The following SPANXN4 variants were observed in gnomAD, a reference collection of about 807,000 sequenced individuals.
SPANXN4 encodes the protein SPANX family member N4.
SPANXN4 carries 5 observed loss-of-function variants against 6.0 expected under a neutral mutation model. That is an observed-to-expected ratio of 0.83 (90% CI 0.44 to 1.75). The LOEUF (loss-of-function observed/expected upper bound fraction) is 1.75. Ranked by LOEUF, SPANXN4 falls within the 40% of genes most tolerant of loss-of-function variation. SPANXN4 has a pLI of 0.02. For missense variants in SPANXN4, 157 were observed against 108.6 expected, an observed-to-expected ratio of 1.45 and a Z score of -1.98; for synonymous variants, 45 against 38.0, an observed-to-expected ratio of 1.19 and a Z score of -0.68.
intron 1 of SPANXN4, among the ~76,000 whole-genome samples, chrX:143,029,030 G>T (rs1932793876): frequency 9.0e-6 from 1 of 111,483 alleles, no homozygotes; most frequent in Non-Finnish European, 1.9e-5. Flanking sequence ...AATGGTGCCA[G>T]CCCGGGCAAG....
downstream of SPANXN4, chrX:143,034,730 A>G: frequency 1.8e-6 from 2 of 1,107,090 alleles, no homozygotes; most frequent in Non-Finnish European, 2.4e-6. Context: ...CTCACCCTAC[A>G]GAAAGTAAGA....
intron 1 of SPANXN4, among the ~76,000 whole-genome samples, chrX:143,032,981 C>G (rs1175751010): frequency 9.0e-6 from 1 of 111,630 alleles, no homozygotes. Context: ...CTGAAGGTGT[C>G]CCCTGAGAAG....
intron 1 of SPANXN4, among the ~76,000 whole-genome samples, chrX:143,026,403 A>G (rs1440365937): frequency 9.0e-6 from 1 of 111,217 alleles, no homozygotes; most frequent in Non-Finnish European, 1.9e-5. Flanking sequence ...TATGATAGGG[A>G]TGTTTTTTTA....
At chrX:143,028,148 T>C (rs1437661025) in intron 1 of SPANXN4, among the ~76,000 whole-genome samples, 3 of 110,707 alleles carry the variant, frequency 2.7e-5, no homozygotes, top group African/African-American at 9.9e-5. Flanking sequence ...TGGTGCTCTT[T>C]TTAGTTTGGA....
intron 1 of SPANXN4, among the ~76,000 whole-genome samples, chrX:143,032,548 G>A (rs1047472934): frequency 7.2e-5 from 8 of 110,545 alleles, no homozygotes; most frequent in Non-Finnish European, 3.8e-5. Context: ...GCATTTTTGC[G>A]GGTTTTTCAT....
chrX:143,028,964 G>A (rs1199719153), intron 1 of SPANXN4, among the ~76,000 whole-genome samples: 1 of 111,972 alleles, frequency 8.9e-6, no homozygotes, highest in Non-Finnish European at 1.9e-5. Flanking sequence ...AGTACAGAAG[G>A]TTTTTAATAC....
rs747780557 is a variant in SPANXN4, at chrX:143,027,000, A to G, written c.78+908A>G. Among the ~76,000 whole-genome samples the G allele has an allele frequency of 2.9e-4, 32 of 111,705 alleles. No individual in the cohort carries two copies. The South Asian group carries it at 0.012, about 40-fold the overall frequency. On this transcript the variant is annotated intron_variant, in intron 1 of 2. Transcript: ENST00000370504. ...AAACCGGATGGTCTGCTTGTGAGGC[A>G]AAATGTTAACGTTTAGACTGAAACA...
downstream of SPANXN4, among the ~76,000 whole-genome samples, chrX:143,035,149 T>C (rs1932837499): frequency 9.2e-6 from 1 of 108,112 alleles, no homozygotes. Flanking sequence ...AATAGAATGG[T>C]TTTGGCATCA....
At chrX:143,034,639 A>G (rs1932834282) in exon 3 of SPANXN4, 1 of 1,163,154 alleles carries the variant, frequency 8.6e-7, no homozygotes, top group Non-Finnish European at 1.1e-6. Flanking sequence ...CACCACCTTC[A>G]GGCCACATAC....
At chrX:143,027,659 C>T (rs1045208656) in intron 1 of SPANXN4, among the ~76,000 whole-genome samples, 4 of 111,134 alleles carry the variant, frequency 3.6e-5, no homozygotes, top group African/African-American at 9.9e-5. Flanking sequence ...ACTGGGTTTA[C>T]GTGGCCAGTT....
chrX:143,027,079 C>T (rs1473344920), intron 1 of SPANXN4, among the ~76,000 whole-genome samples: 1 of 111,994 alleles, frequency 8.9e-6, no homozygotes. Flanking sequence ...AGAGTTTGTG[C>T]CACAAAGGAA....
downstream of SPANXN4, among the ~76,000 whole-genome samples, chrX:143,035,831 A>T (rs1932841201): frequency 9.2e-6 from 1 of 108,778 alleles, no homozygotes; most frequent in Non-Finnish European, 1.9e-5. Flanking sequence ...TTCATGATAT[A>T]ATTTCATTAG....
At chrX:143,036,353 A>C (rs34136462), downstream of SPANXN4, among the ~76,000 whole-genome samples, 35,152 of 109,806 alleles carry the variant, frequency 0.32, 4,252 homozygotes, top group Admixed American at 0.41. Flanking sequence ...ATCCTCACAC[A>C]GAATTGGGGA....
intron 1 of SPANXN4, among the ~76,000 whole-genome samples, chrX:143,031,131 C>T (rs761064531): frequency 9.0e-6 from 1 of 110,605 alleles, no homozygotes; most frequent in East Asian, 2.9e-4. Flanking sequence ...CTGGAATTTA[C>T]TTAACTTTCC....
At chrX:143,032,417 A>AG (rs1176981513) in intron 1 of SPANXN4, among the ~76,000 whole-genome samples, 2 of 109,679 alleles carry the variant, frequency 1.8e-5, no homozygotes, top group African/African-American at 6.7e-5. Context: ...GCGACAGTAA[A>AG]GGGGTGGAGG....
chrX:143,035,518 C>A (rs1602660082), downstream of SPANXN4, among the ~76,000 whole-genome samples: 1 of 109,870 alleles, frequency 9.1e-6, no homozygotes, highest in African/African-American at 3.3e-5. Context: ...TTGTACCCAC[C>A]TTCTGGTCCA....
chrX:143,033,902 C>T (rs1406275629), intron 1 of SPANXN4, 123 bp from the exon 2 acceptor site: 1 of 626,230 alleles, frequency 1.6e-6, no homozygotes, highest in African/African-American at 2.3e-5. Context: ...CCACCTTGCT[C>T]TTCTCTGGCA....
exon 1 of SPANXN4, chrX:143,026,084 G>C (rs776148875): frequency 8.3e-6 from 10 of 1,203,550 alleles, no homozygotes; most frequent in Non-Finnish European, 1.1e-5. Context: ...CAAAAGAAAA[G>C]TTGACAAGGT....
chrX:143,034,163 A>G (rs1932829665), exon 2 of SPANXN4: 7 of 1,180,094 alleles, frequency 5.9e-6, no homozygotes, highest in Non-Finnish European at 8.0e-6. Flanking sequence ...TAACCAGCCT[A>G]CAGAGAGCTC....
Sources: allele counts gnomAD v4.1 joint callset (sites outside exome capture counted in the v4.1 genomes callset), GRCh38; gene constraint gnomAD v4.1.1; transcripts MANE v1.5; gene names NCBI Gene and HGNC (gene_info 2026-07-23, HGNC 2026-07-21).